Variants in ETS1 observed in about 807,000 individuals in gnomAD.
The protein encoded by ETS1 is ETS proto-oncogene 1, transcription factor, also known as protein C-ets-1.
In ETS1, 15 loss-of-function variants were observed where a neutral mutation model predicts 58.6. The ratio of observed to expected loss-of-function variants is 0.26; its 90% CI spans 0.17 to 0.39. The LOEUF (loss-of-function observed/expected upper bound fraction) is 0.39, where lower values mean the gene tolerates loss of function less well. Among genes scored for constraint, ETS1 ranks in the 10% least tolerant of loss-of-function variants. The pLI is 1.00. For missense variants in ETS1, 417 were observed against 610.5 expected (o/e 0.68, Z 3.34); for synonymous variants, 214 against 218.2 (o/e 0.98, Z 0.17).
intron 3 of ETS1, chr11:128,521,811 A>G: frequency 1.2e-6 from 1 of 869,308 alleles, no homozygotes; most frequent in East Asian, 2.8e-5. Context: ...CTCCTGAAGA[A>G]ATGCACCGCC....
At chr11:128,540,054 G>A (rs957000702) in intron 3 of ETS1, among the ~76,000 whole-genome samples, 1 of 152,234 alleles carries the variant, frequency 6.6e-6, no homozygotes, top group Non-Finnish European at 1.5e-5. Flanking sequence ...GATCATGCCT[G>A]TAATCCCAGC....
At chr11:128,583,449 T>C (rs1389052590) in intron 1 of ETS1, among the ~76,000 whole-genome samples, 1 of 152,234 alleles carries the variant, frequency 6.6e-6, no homozygotes, top group African/African-American at 2.4e-5. Context: ...CAATGGTGCT[T>C]TCTCCCATCA....
chr11:128,464,497 A>G lies in ETS1; in HGVS notation c.1124-870T>C, dbSNP rs1861983461. 6.6e-6 allele frequency among the ~76,000 whole-genome samples: 1 copy of G among 152,164 alleles called. No homozygotes were observed. Among genetic ancestry groups the G allele is most frequent in the African/African-American group, 2.4e-5 (1 of 41,430 alleles). ...TTTGAGGATACTTTTCTCATCTGAA[A>G]TGACAATGCCACCAGTGATTCTTAA... On this transcript the variant is annotated intron_variant, in intron 8 of 9. Transcript: ENST00000392668. The surrounding 1 kb of genome is among the most constrained non-coding windows in gnomAD (Gnocchi z 4.1).
At chr11:128,494,263 G>A (rs1862879624) in intron 3 of ETS1, among the ~76,000 whole-genome samples, 1 of 152,152 alleles carries the variant, frequency 6.6e-6, no homozygotes, top group East Asian at 1.9e-4. Context: ...TGGAAAATGA[G>A]GACATAAATA....
chr11:128,524,861 C>A (rs913831256), intron 3 of ETS1, among the ~76,000 whole-genome samples: 1 of 152,104 alleles, frequency 6.6e-6, no homozygotes, highest in African/African-American at 2.4e-5. Context: ...AGAGGCTGTG[C>A]CCTTTTCCCT....
At chr11:128,504,165 G>A (rs188755293) in intron 3 of ETS1, among the ~76,000 whole-genome samples, 2 of 152,260 alleles carry the variant, frequency 1.3e-5, no homozygotes, top group Admixed American at 6.5e-5. Context: ...AAACCATTAC[G>A]CTCACTGCTA....
chr11:128,561,709 T>C (rs190818709), intron 2 of ETS1, among the ~76,000 whole-genome samples: 4 of 152,356 alleles, frequency 2.6e-5, no homozygotes. Context: ...TGCTTATGTT[T>C]ATGCAGTGAA....
intron 3 of ETS1, among the ~76,000 whole-genome samples, chr11:128,500,107 C>CG (rs759092786): frequency 5.9e-5 from 9 of 152,112 alleles, no homozygotes; most frequent in Admixed American, 2.6e-4. Context: ...GAAGGAGGAA[C>CG]GGGGGCTAGG....
intron 8 of ETS1, among the ~76,000 whole-genome samples, chr11:128,467,278 A>G (rs774001609): frequency 6.6e-6 from 1 of 152,156 alleles, no homozygotes. Context: ...TGGAAACCCA[A>G]AGCTTAGAGG....
chr11:128,479,092 T>C (rs1301300173), intron 8 of ETS1, among the ~76,000 whole-genome samples: 10 of 152,144 alleles, frequency 6.6e-5, no homozygotes, highest in Admixed American at 5.9e-4. Flanking sequence ...GAGGAGTAAG[T>C]TTTCAAGCAT....
intron 3 of ETS1, among the ~76,000 whole-genome samples, chr11:128,495,193 A>G (rs1056689544): frequency 6.6e-6 from 1 of 152,130 alleles, no homozygotes; most frequent in African/African-American, 2.4e-5. Flanking sequence ...GCCAAGAGGG[A>G]CCAGCTGGGG....
At chr11:128,548,097 G>GAAGGA (rs1396521380) in intron 3 of ETS1, among the ~76,000 whole-genome samples, 1 of 67,644 alleles carries the variant, frequency 1.5e-5, no homozygotes, top group Non-Finnish European at 2.6e-5. Context: ...AAAGAGCGAG[G>GAAGGA]AAGGAAAGGA....
chr11:128,473,626 G>T (rs1460240428), intron 8 of ETS1, among the ~76,000 whole-genome samples: 1 of 152,148 alleles, frequency 6.6e-6, no homozygotes, highest in Non-Finnish European at 1.5e-5. Flanking sequence ...GTTTAACTTG[G>T]ACTTCTCTAC....
chr11:128,574,166 G>C (rs1311130147), intron 1 of ETS1, among the ~76,000 whole-genome samples: 2 of 132,180 alleles, frequency 1.5e-5, no homozygotes, highest in Non-Finnish European at 1.6e-5. Flanking sequence ...AGTTAAACAG[G>C]CTTGGCAATA....
chr11:128,464,355 G>GACACACAC lies in ETS1; in HGVS notation c.1124-736_1124-729dup, dbSNP rs58228263. On this transcript the variant is annotated intron_variant, in intron 8 of 9. Coordinates refer to ENST00000392668, the MANE Select transcript of ETS1 (RefSeq NM_001143820.2). The surrounding 1 kb of genome is among the most constrained non-coding windows in gnomAD (Gnocchi z 4.1). The stretch of plus-strand genomic sequence containing the variant: ...CATAGGTTCAGTATATTCTAAATTA[G>GACACACAC]ACACACACACACACACACACACACA... 1.1e-3 allele frequency among the ~76,000 whole-genome samples: 166 copies of GACACACAC among 145,010 alleles called. 1 individual carries two copies. Among genetic ancestry groups the GACACACAC allele is most frequent in the South Asian group, 5.3e-3 (23 of 4,360 alleles).
intron 3 of ETS1, among the ~76,000 whole-genome samples, chr11:128,501,801 A>G (rs983775893): frequency 1.3e-5 from 2 of 152,242 alleles, no homozygotes; most frequent in Non-Finnish European, 2.9e-5. Flanking sequence ...CCACAAATAT[A>G]TCATGGAAAG....
At chr11:128,586,370 A>C (rs886439440) in intron 1 of ETS1, among the ~76,000 whole-genome samples, 1 of 152,172 alleles carries the variant, frequency 6.6e-6, no homozygotes, top group Non-Finnish European at 1.5e-5. Context: ...TCTCAACAGC[A>C]GCAGTGGCCA....
intron 2 of ETS1, among the ~76,000 whole-genome samples, chr11:128,570,447 G>A (rs373972450): frequency 6.6e-6 from 1 of 151,782 alleles, no homozygotes. Context: ...TCATCATGTT[G>A]GCCAGGCTGG....
rs1314047418 is a variant in ETS1, at chr11:128,585,152, GA to G, written c.-15+2335del. The stretch of plus-strand genomic sequence containing the variant: ...GAAAGAAAGAAAAGAAAGAAAGAAA[GA>G]AAGAAAGAAAGAAAGAGAAAGAAAG... On this transcript the variant is annotated intron_variant, in intron 1 of 9. Coordinates refer to ENST00000392668, the MANE Select transcript of ETS1 (RefSeq NM_001143820.2). 3.2e-3 allele frequency among the ~76,000 whole-genome samples: 74 copies of G among 23,478 alleles called. 24 individuals carry two copies. The highest frequency in any genetic ancestry group is 0.017 in the African/African-American group (68 of 3,928). 15.4% of individuals were successfully genotyped at this position (23,478 alleles called of 152,430 possible). A position where few individuals can be genotyped will look rare whatever the true frequency, so the allele number is the denominator to read the frequency against.
Sources: gnomAD v4.1 joint callset for allele counts (sites outside exome capture counted in the v4.1 genomes callset) on GRCh38, gnomAD v4.1.1 for gene constraint, Gnocchi (gnomAD v3.1) non-coding constraint, MANE v1.5 for transcripts, NCBI Gene and HGNC (gene_info 2026-07-23, HGNC 2026-07-21) for gene names.